The following SUMF1 variants were observed in gnomAD, a reference collection of about 807,000 sequenced individuals.
SUMF1 encodes formylglycine-generating enzyme.
In SUMF1, 48 loss-of-function variants were observed where a neutral mutation model predicts 47.6. That is an observed-to-expected ratio of 1.01 (90% confidence interval 0.80 to 1.28). The LOEUF is 1.28. SUMF1 is among the 50% of genes most tolerant of loss of function. The probability of loss-of-function intolerance (pLI) is 0.00; values close to 1 mark genes in which losing one functional copy is unlikely to be tolerated. For synonymous variants in SUMF1, 230 were observed against 192.1 expected, an observed-to-expected ratio of 1.20 and a Z score of -1.63; for missense variants, 571 against 485.4, an observed-to-expected ratio of 1.18 and a Z score of -1.66.
intron 8 of SUMF1, chr3:4,313,808 G>A (rs1362253459): frequency 6.2e-7 from 1 of 1,607,844 alleles, no homozygotes; most frequent in African/African-American, 1.3e-5. Context: ...TATAGTGGAA[G>A]ACAGTGGTTG....
chr3:4,093,935 T>G lies in SUMF1; in HGVS notation c.1015-25190A>C, dbSNP rs141346021. Among the ~76,000 whole-genome samples the G allele has an allele frequency of 2.4e-3, 369 of 152,200 alleles. 7 individuals carry two copies. Among genetic ancestry groups the G allele is most frequent in the African/African-American group, 8.4e-3 (348 of 41,508 alleles). ...TATTAAAATTCTATATTAGGTAGAT[T>G]AGGCAGGTATATATCCAAAATGGGA... On this transcript the variant is annotated intron_variant and NMD_transcript_variant, in intron 8 of 12. Transcript: ENST00000448413.
chr3:4,375,332 C>G (rs1329910466), intron 8 of SUMF1, among the ~76,000 whole-genome samples: 1 of 151,962 alleles, frequency 6.6e-6, no homozygotes, highest in South Asian at 2.1e-4. Flanking sequence ...GAGAGATTTG[C>G]TTTAGGCTAG....
chr3:4,112,865 G>A (rs1693339264), intron 8 of SUMF1, among the ~76,000 whole-genome samples: 1 of 152,074 alleles, frequency 6.6e-6, no homozygotes, highest in African/African-American at 2.4e-5. Context: ...ATAATTGCAA[G>A]CCCTCATGGT....
At chr3:4,416,707 GTA>G (rs1461812062) in intron 6 of SUMF1, among the ~76,000 whole-genome samples, 4 of 147,964 alleles carry the variant, frequency 2.7e-5, no homozygotes, top group African/African-American at 5.0e-5. Context: ...TGAATGGACA[GTA>G]AATGAGACAA....
intron 8 of SUMF1, among the ~76,000 whole-genome samples, chr3:4,098,637 T>C (rs1296981742): frequency 6.6e-6 from 1 of 152,174 alleles, no homozygotes; most frequent in Non-Finnish European, 1.5e-5. Context: ...CATATTTTTA[T>C]GCACAATATT....
intron 9 of SUMF1, among the ~76,000 whole-genome samples, chr3:4,043,235 C>T (rs1228714102): frequency 2.6e-5 from 4 of 152,134 alleles, no homozygotes; most frequent in Non-Finnish European, 5.9e-5. Context: ...GGCAGTACAA[C>T]AGCTTCCTGC....
intron 8 of SUMF1, among the ~76,000 whole-genome samples, chr3:4,262,674 C>T (rs1435223582): frequency 6.6e-6 from 1 of 152,128 alleles, no homozygotes; most frequent in Non-Finnish European, 1.5e-5. Flanking sequence ...TGCCTCTTTC[C>T]CAAAAGTTCC....
In SUMF1 at chr3:4,039,641, G is replaced by A. The variant is rs567639220; in HGVS notation, c.1191+28928C>T. 7.4e-5 allele frequency among the ~76,000 whole-genome samples: 11 copies of A among 148,108 alleles called. 1 individual carries two copies. The highest frequency in any genetic ancestry group is 2.9e-4 in the African/African-American group (11 of 37,890). On this transcript the variant is annotated intron_variant and NMD_transcript_variant, in intron 9 of 12. Coordinates refer to the SUMF1 transcript ENST00000448413. ...CTATCATTGTTGGACATTTGGGTTG[G>A]TTCCAAGTCTTTGCTATTGTGATTA...
intron 8 of SUMF1, among the ~76,000 whole-genome samples, chr3:4,190,598 T>C (rs1695294212): frequency 6.6e-6 from 1 of 152,116 alleles, no homozygotes; most frequent in African/African-American, 2.4e-5. Context: ...TCTGCATCCA[T>C]TGATCACCTT....
At chr3:4,327,437 G>C (rs1005358152) in intron 8 of SUMF1, among the ~76,000 whole-genome samples, 1 of 152,116 alleles carries the variant, frequency 6.6e-6, no homozygotes, top group Admixed American at 6.6e-5. Flanking sequence ...ACTATAAACA[G>C]CTTTTTGGGA....
chr3:4,160,822 T>C (rs955929277), intron 8 of SUMF1, among the ~76,000 whole-genome samples: 2 of 152,118 alleles, frequency 1.3e-5, no homozygotes, highest in Admixed American at 1.3e-4. Context: ...AATTAGTCCT[T>C]AGTCTCTTAT....
intron 9 of SUMF1, among the ~76,000 whole-genome samples, chr3:4,044,447 G>A (rs1019946927): frequency 6.6e-6 from 1 of 152,158 alleles, no homozygotes; most frequent in Non-Finnish European, 1.5e-5. Context: ...GACTGTACAG[G>A]CCTACAGAAT....
intron 8 of SUMF1, chr3:4,313,975 G>C (rs1698533316): frequency 6.9e-6 from 6 of 872,218 alleles, no homozygotes; most frequent in Non-Finnish European, 1.0e-5. Context: ...AGTTAGATTT[G>C]TCTTAGTGAC....
At chr3:4,084,837 T>C (rs1050047547) in intron 8 of SUMF1, among the ~76,000 whole-genome samples, 3 of 152,142 alleles carry the variant, frequency 2.0e-5, no homozygotes, top group African/African-American at 7.2e-5. Context: ...TGTGGTTATC[T>C]TGTTTAAAGA....
chr3:4,360,068 C>T (rs1465303857), downstream of SUMF1, among the ~76,000 whole-genome samples: 4 of 152,122 alleles, frequency 2.6e-5, no homozygotes, highest in African/African-American at 7.2e-5. Flanking sequence ...TCAAAATAGA[C>T]ACACCATAAA....
chr3:4,140,949 C>T (rs1176916163), intron 8 of SUMF1, among the ~76,000 whole-genome samples: 2 of 151,952 alleles, frequency 1.3e-5, no homozygotes, highest in Non-Finnish European at 2.9e-5. Flanking sequence ...AACACAGTCC[C>T]TGAAAAATAG....
chr3:4,362,093 T>G lies in SUMF1; in HGVS notation c.*51A>C, dbSNP rs761861197. 6 of 1,546,796 alleles carry G rather than the reference T, an allele frequency of 3.9e-6. 1 individual carries two copies. In the South Asian group the frequency reaches 5.6e-5, roughly 14 times the overall value. The stretch of plus-strand genomic sequence containing the variant: ...GTTCAAAGTTCTGAGAAAAGCCCAA[T>G]GTAGGTCAGACACGACTGCTCCTTG... On this transcript the variant is annotated 3_prime_UTR_variant, in exon 9 of 9. Transcript: ENST00000272902.
At chr3:4,058,117 T>G (rs1695220968) in intron 9 of SUMF1, among the ~76,000 whole-genome samples, 1 of 152,122 alleles carries the variant, frequency 6.6e-6, no homozygotes, top group African/African-American at 2.4e-5. Flanking sequence ...ATGAGAAAAC[T>G]GATGCATTGA....
chr3:4,420,854 C>T (rs1381983184), intron 3 of SUMF1, among the ~76,000 whole-genome samples: 1 of 152,116 alleles, frequency 6.6e-6, no homozygotes, highest in African/African-American at 2.4e-5. Flanking sequence ...AGAGATCAAG[C>T]TGAAGCACAG....
Sources: gnomAD v4.1 joint callset for allele counts (sites outside exome capture counted in the v4.1 genomes callset) on GRCh38, gnomAD v4.1.1 for gene constraint, MANE v1.5 for transcripts, NCBI Gene and HGNC (gene_info 2026-07-23, HGNC 2026-07-21) for gene names.